Variants in GLDN observed in about 807,000 individuals in gnomAD.
The protein encoded by GLDN is collomin.
GLDN carries 47 observed loss-of-function variants against 56.5 expected under a neutral mutation model. The observed-to-expected ratio is 0.83, with a 90% CI of 0.66 to 1.06. GLDN has a LOEUF of 1.06. GLDN is among the 50% of genes least tolerant of loss of function. The pLI, the probability that GLDN is intolerant of heterozygous loss-of-function variation, is 0.00. For missense variants in GLDN, 782 were observed against 714.3 expected (o/e 1.09, Z -1.08); for synonymous variants, 332 against 278.8 (o/e 1.19, Z -1.90).
At chr15:51,401,875 T>A (rs536774453) in intron 9 of GLDN, 132 bp downstream of exon 9, 2 of 763,978 alleles carry the variant, frequency 2.6e-6, no homozygotes, top group African/African-American at 3.5e-5. Context: ...CTGAGGTCAA[T>A]CAGGGTTTGT....
chr15:51,401,090 A>G (rs2038239562), intron 8 of GLDN, among the ~76,000 whole-genome samples: 1 of 152,226 alleles, frequency 6.6e-6, no homozygotes, highest in Admixed American at 6.5e-5. Context: ...AATAGCTGAG[A>G]AGAAATCAGT....
At chr15:51,383,674 A>G (rs1390490719) in intron 3 of GLDN, 111 bp from the exon 4 acceptor site, 2 of 947,442 alleles carry the variant, frequency 2.1e-6, no homozygotes, top group African/African-American at 2.9e-5. Context: ...AGGATGTGGA[A>G]AAGGAATTGA....
At chr15:51,381,919 C>T (rs1228073179) in intron 2 of GLDN, among the ~76,000 whole-genome samples, 1 of 152,086 alleles carries the variant, frequency 6.6e-6, no homozygotes, top group Non-Finnish European at 1.5e-5. Flanking sequence ...CATCCCCCTG[C>T]CTAAGAACCT....
At chr15:51,395,076 T>C in intron 5 of GLDN, 95 bp downstream of exon 5, 1 of 1,269,968 alleles carries the variant, frequency 7.9e-7, no homozygotes, top group Non-Finnish European at 1.1e-6. Flanking sequence ...TCTTCTCTCC[T>C]TTATGGCCTT....
chr15:51,357,821 G>A (rs947461302), intron 1 of GLDN, among the ~76,000 whole-genome samples: 4 of 152,098 alleles, frequency 2.6e-5, no homozygotes, highest in African/African-American at 7.2e-5. Context: ...TCCTACCCCT[G>A]AATTTAAGAA....
At chr15:51,369,854 G>A (rs755467769) in intron 1 of GLDN, among the ~76,000 whole-genome samples, 1 of 152,192 alleles carries the variant, frequency 6.6e-6, no homozygotes, top group Non-Finnish European at 1.5e-5. Flanking sequence ...AGTAGCTCAC[G>A]TCTATAATCC....
chr15:51,383,549 T>A (rs2037816085), intron 3 of GLDN, 96 bp downstream of exon 3: 2 of 1,406,978 alleles, frequency 1.4e-6, no homozygotes, highest in Non-Finnish European at 2.0e-6. Flanking sequence ...GGCAAGAGCC[T>A]GGAGGCAGTC....
intron 2 of GLDN, among the ~76,000 whole-genome samples, chr15:51,383,192 G>C (rs3751588): frequency 0.093 from 14,151 of 152,206 alleles, 1,374 homozygotes; most frequent in African/African-American, 0.24. Context: ...TATCAATCTA[G>C]AGTGAGGACA....
chr15:51,395,093 C>A, intron 5 of GLDN, 112 bp downstream of exon 5: 2 of 1,103,988 alleles, frequency 1.8e-6, no homozygotes, highest in Non-Finnish European at 2.5e-6. Context: ...CCTTATGTGG[C>A]CATCTGTTTT....
intron 1 of GLDN, among the ~76,000 whole-genome samples, chr15:51,354,099 G>A (rs559192873): frequency 2.0e-4 from 31 of 152,258 alleles, no homozygotes; most frequent in African/African-American, 4.8e-4. Flanking sequence ...ACTAAAGATC[G>A]TTCAAAATGC....
chr15:51,372,967 A>G (rs1327320786), intron 1 of GLDN, among the ~76,000 whole-genome samples: 1 of 152,144 alleles, frequency 6.6e-6, no homozygotes, highest in African/African-American at 2.4e-5. Flanking sequence ...AAGAGAGTGA[A>G]CTCAAGCCCC....
Position 51,349,884 on chromosome 15 carries a change from C to T in GLDN, c.363+7837C>T, listed in dbSNP as rs59702175. Reference sequence around the variant, plus strand: ...CCTCCCGAGTAGCTGGGATTACAGGCGCTTGCCACCATGCCCAGCTAATTT... The same window carrying T: ...CCTCCCGAGTAGCTGGGATTACAGGTGCTTGCCACCATGCCCAGCTAATTT... On this transcript the variant is annotated intron_variant, in intron 1 of 9. Coordinates refer to ENST00000335449, the MANE Select transcript of GLDN (RefSeq NM_181789.4). Among the ~76,000 whole-genome samples, 14 of 152,178 alleles carry T rather than the reference C, an allele frequency of 9.2e-5. No homozygotes were observed. The East Asian group carries it at 2.3e-3, about 25-fold the overall frequency.
intron 8 of GLDN, 57 bp from the exon 9 acceptor site, chr15:51,401,536 C>G: frequency 6.5e-7 from 1 of 1,543,130 alleles, no homozygotes; most frequent in South Asian, 1.2e-5. Flanking sequence ...AGGACTCCCT[C>G]CCAAGCTGTG....
intron 1 of GLDN, among the ~76,000 whole-genome samples, chr15:51,345,438 A>C (rs141984118): frequency 1.3e-5 from 2 of 152,356 alleles, no homozygotes; most frequent in East Asian, 3.9e-4. Context: ...CAAGAAAATC[A>C]GCCTGGCTAC....
chr15:51,380,219 C>G (rs971134026), intron 2 of GLDN, among the ~76,000 whole-genome samples: 3 of 152,194 alleles, frequency 2.0e-5, no homozygotes, highest in Admixed American at 2.0e-4. Context: ...AATTCAAAGA[C>G]AAGATCACTG....
intron 2 of GLDN, among the ~76,000 whole-genome samples, chr15:51,380,081 G>T (rs1292468801): frequency 6.6e-6 from 1 of 152,170 alleles, no homozygotes; most frequent in Admixed American, 6.5e-5. Flanking sequence ...TACTGATGGG[G>T]CAAGGAGTAC....
chr15:51,349,433 T>C (rs2037035908), intron 1 of GLDN, among the ~76,000 whole-genome samples: 1 of 152,246 alleles, frequency 6.6e-6, no homozygotes, highest in Non-Finnish European at 1.5e-5. Flanking sequence ...GTACAGGCTA[T>C]GAAGAATGGC....
chr15:51,399,136 C>T (rs1399061893), intron 6 of GLDN, among the ~76,000 whole-genome samples: 1 of 152,164 alleles, frequency 6.6e-6, no homozygotes, highest in African/African-American at 2.4e-5. Context: ...AGTTGAAACT[C>T]CGGGGGCAGC....
intron 1 of GLDN, among the ~76,000 whole-genome samples, chr15:51,361,861 G>A (rs938375869): frequency 1.3e-5 from 2 of 152,150 alleles, no homozygotes; most frequent in Non-Finnish European, 2.9e-5. Flanking sequence ...ACCCCAGGAG[G>A]CAGAGGTTGC....
Sources: gnomAD v4.1 joint callset for allele counts (sites outside exome capture counted in the v4.1 genomes callset) on GRCh38, gnomAD v4.1.1 for gene constraint, MANE v1.5 for transcripts, NCBI Gene and HGNC (gene_info 2026-07-23, HGNC 2026-07-21) for gene names.